The following ASTN1 variants were observed in gnomAD, a reference collection of about 807,000 sequenced individuals.
The protein encoded by ASTN1 is astrotactin-1.
In ASTN1, 41 loss-of-function variants were observed where a neutral mutation model predicts 140.7. That is an observed-to-expected ratio of 0.29 (90% CI 0.23 to 0.38). The LOEUF is 0.38. Among genes scored for constraint, ASTN1 ranks in the 10% least tolerant of loss-of-function variants. ASTN1 has a pLI of 1.00. For synonymous variants in ASTN1, 640 were observed against 652.2 expected (o/e 0.98, Z 0.29); for missense variants, 1,479 against 1,678.8 (o/e 0.88, Z 2.08).
At chr1:177,078,309 C>T (rs112887104) in intron 1 of ASTN1, among the ~76,000 whole-genome samples, 20 of 152,250 alleles carry the variant, frequency 1.3e-4, no homozygotes, top group African/African-American at 4.8e-4. Flanking sequence ...GGGGTCACTG[C>T]CTCTCACTGA....
intron 7 of ASTN1, among the ~76,000 whole-genome samples, chr1:177,021,281 G>T (rs7545444): frequency 0.35 from 52,829 of 152,152 alleles, 10,019 homozygotes; most frequent in Non-Finnish European, 0.43. Context: ...ATTCATTCAT[G>T]GTCACAGACA....
intron 1 of ASTN1, among the ~76,000 whole-genome samples, chr1:177,120,651 C>T (rs1558110024): frequency 1.3e-5 from 2 of 152,178 alleles, no homozygotes; most frequent in Non-Finnish European, 2.9e-5. Context: ...AAAGACAGCA[C>T]TTTCTTCTAT....
chr1:177,033,378 T>A (rs1160699585), intron 2 of ASTN1, among the ~76,000 whole-genome samples: 1 of 152,204 alleles, frequency 6.6e-6, no homozygotes, highest in Non-Finnish European at 1.5e-5. Flanking sequence ...ATCTGTATAA[T>A]GGAGAAGACA....
At chr1:176,967,694 C>CAAGCCA (rs1024237570) in intron 8 of ASTN1, among the ~76,000 whole-genome samples, 1 of 152,136 alleles carries the variant, frequency 6.6e-6, no homozygotes, top group Non-Finnish European at 1.5e-5. Flanking sequence ...AATCTGTATT[C>CAAGCCA]AAGCCAAAGC....
chr1:177,138,822 G>A (rs1002136733), intron 1 of ASTN1, among the ~76,000 whole-genome samples: 1 of 152,190 alleles, frequency 6.6e-6, no homozygotes, highest in African/African-American at 2.4e-5. Flanking sequence ...CGAAAACTGT[G>A]CCAGCTTCCC....
At chr1:176,993,326 G>A (rs1276478858) in intron 8 of ASTN1, among the ~76,000 whole-genome samples, 1 of 152,182 alleles carries the variant, frequency 6.6e-6, no homozygotes, top group East Asian at 1.9e-4. Context: ...AACACCAATA[G>A]TTATACTGTC....
chr1:177,155,817 G>T (rs1447173699), intron 1 of ASTN1, among the ~76,000 whole-genome samples: 1 of 152,108 alleles, frequency 6.6e-6, no homozygotes, highest in Non-Finnish European at 1.5e-5. Flanking sequence ...GACACATATG[G>T]TTACATATAG....
At chr1:176,953,707 A>G (rs151142305) in intron 11 of ASTN1, among the ~76,000 whole-genome samples, 2 of 152,188 alleles carry the variant, frequency 1.3e-5, no homozygotes, top group Non-Finnish European at 2.9e-5. Flanking sequence ...TGTAGATAGC[A>G]TGTGGAGGGA....
At chr1:177,051,155 G>A (rs2102013791) in intron 2 of ASTN1, among the ~76,000 whole-genome samples, 1 of 152,316 alleles carries the variant, frequency 6.6e-6, no homozygotes, top group Middle Eastern at 3.4e-3. Context: ...ATTTTTGTCA[G>A]TGCCTTAAGT....
chr1:177,105,499 T>C (rs1012716281), intron 1 of ASTN1, among the ~76,000 whole-genome samples: 1 of 152,170 alleles, frequency 6.6e-6, no homozygotes, highest in African/African-American at 2.4e-5. Context: ...TCCAGATAGA[T>C]GCTTATGAAG....
intron 16 of ASTN1, among the ~76,000 whole-genome samples, chr1:176,919,100 T>C (rs116552062): frequency 4.1e-4 from 63 of 152,318 alleles, no homozygotes; most frequent in African/African-American, 1.5e-3. Flanking sequence ...CCAACACTCA[T>C]AATATTTTGT....
At chr1:176,879,526 G>A (rs920500707) in intron 20 of ASTN1, among the ~76,000 whole-genome samples, 7 of 151,960 alleles carry the variant, frequency 4.6e-5, no homozygotes, top group Admixed American at 1.3e-4. Context: ...ATCCTACTTC[G>A]TTGTCAGATG....
intron 16 of ASTN1, among the ~76,000 whole-genome samples, chr1:176,905,507 G>C (rs1669947551): frequency 6.6e-6 from 1 of 152,136 alleles, no homozygotes; most frequent in Non-Finnish European, 1.5e-5. Context: ...AAATGGATTT[G>C]GATGTTAAAT....
At chr1:177,139,374 T>C (rs1682354106) in intron 1 of ASTN1, among the ~76,000 whole-genome samples, 1 of 152,248 alleles carries the variant, frequency 6.6e-6, no homozygotes, top group Admixed American at 6.5e-5. Context: ...GGACTCATTC[T>C]GGTCTTTGCA....
At chr1:177,123,163 G>A (rs1415174172) in intron 1 of ASTN1, among the ~76,000 whole-genome samples, 2 of 152,104 alleles carry the variant, frequency 1.3e-5, no homozygotes, top group African/African-American at 4.8e-5. Flanking sequence ...AGAGAGTCAG[G>A]GGAACCAGTG....
rs1225947604 is a variant in ASTN1 at position 177,044,937 on chromosome 1, C to T, written c.472-12088G>A. ...AGTTCTGTTGTAAGGGAGAGAGGGA[C>T]AGAAAGAGAGAAAAACAGGGGAGGG... On this transcript the variant is annotated intron_variant, in intron 2 of 22. Transcript: ENST00000361833. Among the ~76,000 whole-genome samples, 5 of 152,064 alleles carry T rather than the reference C, an allele frequency of 3.3e-5. No individual in the cohort carries two copies. In the East Asian group the frequency reaches 9.7e-4, roughly 29 times the overall value.
chr1:177,002,368 TACACACAAAC>T (rs1327814692), intron 8 of ASTN1, among the ~76,000 whole-genome samples: 51 of 94,292 alleles, frequency 5.4e-4, no homozygotes, highest in African/African-American at 1.7e-3. Flanking sequence ...AAATGTGCCT[TACACACAAAC>T]ACACACACAC....
chr1:177,023,254 C>T (rs539102094), intron 7 of ASTN1, 150 bp downstream of exon 7: 32 of 977,918 alleles, frequency 3.3e-5, no homozygotes, highest in South Asian at 1.3e-4. Context: ...ATAAGCTCTG[C>T]GGCCCAACCA....
intron 8 of ASTN1, among the ~76,000 whole-genome samples, chr1:177,007,686 C>T (rs561367200): frequency 1.6e-4 from 25 of 152,204 alleles, no homozygotes; most frequent in African/African-American, 5.1e-4. Flanking sequence ...CTCTATGAAC[C>T]GGCATGCACG....
Sources: gnomAD v4.1 joint callset for allele counts (sites outside exome capture counted in the v4.1 genomes callset) on GRCh38, gnomAD v4.1.1 for gene constraint, MANE v1.5 for transcripts, NCBI Gene and HGNC (gene_info 2026-07-23, HGNC 2026-07-21) for gene names.